The following JMJD1C variants were observed in gnomAD, a reference collection of about 807,000 sequenced individuals.
JMJD1C encodes jumonji domain-containing protein 1C.
Under a neutral mutation model 245.3 loss-of-function variants are expected in JMJD1C, and 31 were observed. The observed-to-expected ratio is 0.13, with a 90% CI of 0.09 to 0.17. The LOEUF (loss-of-function observed/expected upper bound fraction) is 0.17. JMJD1C is among the 10% of genes least tolerant of loss of function. JMJD1C has a pLI of 1.00. For synonymous variants in JMJD1C, 1,057 were observed against 1,017.4 expected (o/e 1.04, Z -0.74); for missense variants, 2,691 against 3,000.2 (o/e 0.90, Z 2.41).
chr10:63,266,716 C>A (rs1316362917), intron 2 of JMJD1C, among the ~76,000 whole-genome samples: 1 of 152,066 alleles, frequency 6.6e-6, no homozygotes, highest in Non-Finnish European at 1.5e-5. Context: ...AAAAGGTCCA[C>A]AAAAGGTATT....
At position 63,213,958 on chromosome 10, in the gene JMJD1C, G is replaced by A. The variant is rs375902893; in HGVS notation, c.2209C>T (p.Pro737Ser). Residue 737 changes from proline (P) to serine (S), a missense_variant, in exon 8 of 26, where the codon CCT becomes TCT. Transcript: ENST00000399262. ...TGAGATGAGGAGTGAAGAGGAAAAG[G>A]ATGCTGGCTTAGGAAAGGTGAAATA... ...NHISPFLSQH[P>S]FPLHSSSHRT... is the part of the protein sequence containing the mutation. 3.7e-5 allele frequency: 59 copies of A among 1,614,026 alleles called. No homozygotes were observed. The African/African-American group carries it at 5.2e-4, about 14-fold the overall frequency.
In JMJD1C at chr10:63,214,467, C is replaced by G; in HGVS notation, c.1700G>C (p.Ser567Thr). The part of the protein sequence containing the change: ...AKKDSDQSWV[S>T]DVVKVDLTQS... ...GGTTAGATCCACTTTAACTACATCACTGACCCAGCTCTGGTCAGAATCTTT... is the reference window on the plus strand; with the variant it reads ...GGTTAGATCCACTTTAACTACATCAGTGACCCAGCTCTGGTCAGAATCTTT... The change falls in exon 8 of 26, where the codon AGT (serine) becomes ACT (threonine). Residue 567 changes from serine (S) to threonine (T), a missense_variant. This residue lies in a region of JMJD1C where 1,562 missense variants were observed against 1,490.7 expected (regional missense o/e 1.05). Coordinates refer to ENST00000399262, the MANE Select transcript of JMJD1C (RefSeq NM_032776.3). The G allele has an allele frequency of 6.2e-7, 1 of 1,614,046 alleles. No individual in the cohort carries two copies. The highest frequency in any genetic ancestry group is 8.5e-7 in the Non-Finnish European group (1 of 1,180,010).
At chr10:63,271,652 A>G (rs1310240973) in intron 2 of JMJD1C, among the ~76,000 whole-genome samples, 3 of 152,128 alleles carry the variant, frequency 2.0e-5, no homozygotes, top group Non-Finnish European at 4.4e-5. Context: ...CCTGGGTTCA[A>G]GCGATTCTCC....
intron 2 of JMJD1C, among the ~76,000 whole-genome samples, chr10:63,377,761 T>C (rs926758685): frequency 4.6e-5 from 7 of 151,654 alleles, no homozygotes; most frequent in African/African-American, 1.7e-4. Context: ...CTAGGCATAG[T>C]GGCACACATC....
At chr10:63,327,113 G>A (rs1332431674) in intron 2 of JMJD1C, among the ~76,000 whole-genome samples, 3 of 152,132 alleles carry the variant, frequency 2.0e-5, no homozygotes, top group African/African-American at 7.2e-5. Flanking sequence ...CTTGAGCCCA[G>A]GAGGCTGATG....
At chr10:63,174,650 G>A (rs370857952) in intron 24 of JMJD1C, among the ~76,000 whole-genome samples, 83 of 151,562 alleles carry the variant, frequency 5.5e-4, no homozygotes, top group African/African-American at 2.0e-3. Flanking sequence ...CCTGACCAAC[G>A]TGGAAAAACC....
intron 1 of JMJD1C, among the ~76,000 whole-genome samples, chr10:63,500,790 T>TGCAC (rs1554953965): frequency 1.3e-5 from 2 of 151,342 alleles, no homozygotes; most frequent in African/African-American, 2.4e-5. Context: ...GATGGATGGA[T>TGCAC]GGATGCACGG....
chr10:63,388,793 T>G (rs549755866), intron 1 of JMJD1C, among the ~76,000 whole-genome samples: 2 of 152,070 alleles, frequency 1.3e-5, no homozygotes, highest in South Asian at 4.2e-4. Context: ...CAAAAGAAAC[T>G]CATCTCCCCT....
At chr10:63,173,500 T>C (rs1420013176) in intron 24 of JMJD1C, among the ~76,000 whole-genome samples, 1 of 152,178 alleles carries the variant, frequency 6.6e-6, no homozygotes, top group Non-Finnish European at 1.5e-5. Context: ...GGCAGGAAGA[T>C]TGCCTGAGCT....
At chr10:63,444,623 C>CT (rs200830089) in intron 1 of JMJD1C, among the ~76,000 whole-genome samples, 2,335 of 134,464 alleles carry the variant, frequency 0.017, 19 homozygotes, top group Non-Finnish European at 0.021. Flanking sequence ...TACCTACTAT[C>CT]TTTTTTTTTT....
chr10:63,296,601 C>T (rs1274839901), intron 2 of JMJD1C, among the ~76,000 whole-genome samples: 1 of 152,144 alleles, frequency 6.6e-6, no homozygotes, highest in African/African-American at 2.4e-5. Flanking sequence ...AGAACATCAC[C>T]TGTTCAATCT....
At chr10:63,278,888 T>A (rs1014952627) in intron 2 of JMJD1C, among the ~76,000 whole-genome samples, 1 of 151,756 alleles carries the variant, frequency 6.6e-6, no homozygotes, top group African/African-American at 2.4e-5. Context: ...TGATATGTTA[T>A]TCATTCATTT....
intron 2 of JMJD1C, chr10:63,301,835 C>A: frequency 2.5e-6 from 1 of 396,472 alleles, no homozygotes; most frequent in Non-Finnish European, 5.0e-6. Flanking sequence ...TAAAATAAAA[C>A]ATTTTCACAA....
At chr10:63,311,602 T>C (rs1490812569) in intron 2 of JMJD1C, among the ~76,000 whole-genome samples, 2 of 152,168 alleles carry the variant, frequency 1.3e-5, no homozygotes, top group African/African-American at 4.8e-5. Flanking sequence ...TTAAAATACA[T>C]AATCGAAATC....
rs769669272 is a variant in JMJD1C at position 63,198,685 on chromosome 10, G to A, written c.5319C>T (p.Phe1773=). ...CATCATCATATTGGTCAGGAGAAGA[G>A]AAACCATCTATTCTAACTACTCCGT... ...SKNGVVRIDG[F]SSPDQYDDEA... Residue 1773 remains phenylalanine (F), a synonymous_variant, in exon 12 of 26, where the codon TTC becomes TTT. Transcript: ENST00000399262. 16 of 1,612,028 alleles carry A rather than the reference G, an allele frequency of 9.9e-6. No homozygotes were observed. In the South Asian group the frequency reaches 1.6e-4, roughly 17 times the overall value.
chr10:63,273,723 TCCAGTTACTGC>T (rs1328134559), intron 2 of JMJD1C, among the ~76,000 whole-genome samples: 6 of 152,276 alleles, frequency 3.9e-5, no homozygotes, highest in African/African-American at 1.4e-4. Context: ...AGGAAACTAC[TCCAGTTACTGC>T]CCAGAAATAC....
intron 24 of JMJD1C, among the ~76,000 whole-genome samples, chr10:63,171,869 C>T (rs1442281874): frequency 1.3e-5 from 2 of 152,184 alleles, no homozygotes; most frequent in Non-Finnish European, 2.9e-5. Context: ...CTTCTAAGAC[C>T]TAAACAGGTT....
chr10:63,280,685 T>C (rs1564728876), intron 2 of JMJD1C, among the ~76,000 whole-genome samples: 1 of 152,220 alleles, frequency 6.6e-6, no homozygotes, highest in African/African-American at 2.4e-5. Context: ...TCTTGTTCAA[T>C]CTACTTAGTG....
At chr10:63,279,060 G>GT (rs1857126438) in intron 2 of JMJD1C, among the ~76,000 whole-genome samples, 2 of 151,986 alleles carry the variant, frequency 1.3e-5, no homozygotes, top group African/African-American at 4.8e-5. Context: ...GACTAGCCTG[G>GT]CCAACATGGT....
Sources: allele counts gnomAD v4.1 joint callset (sites outside exome capture counted in the v4.1 genomes callset), GRCh38; gene constraint gnomAD v4.1.1; regional missense constraint gnomAD v4.1.1; transcripts MANE v1.5; gene names NCBI Gene and HGNC (gene_info 2026-07-23, HGNC 2026-07-21).